Variants in SLC39A9 observed in about 807,000 individuals in gnomAD.
SLC39A9 encodes zinc transporter ZIP9.
Under a neutral mutation model 28.4 loss-of-function variants are expected in SLC39A9, and 14 were observed. That is an observed-to-expected ratio of 0.49 (90% CI 0.33 to 0.77). The LOEUF is 0.77. Ranked by LOEUF, SLC39A9 falls within the 30% of genes least tolerant of loss-of-function variation. The pLI is 0.02. For missense variants in SLC39A9, 283 were observed against 381.1 expected (o/e 0.74, Z 2.14); for synonymous variants, 119 against 149.6 (o/e 0.80, Z 1.49).
chr14:69,414,641 A>G (rs1018846114), intron 1 of SLC39A9, among the ~76,000 whole-genome samples: 1 of 152,248 alleles, frequency 6.6e-6, no homozygotes, highest in African/African-American at 2.4e-5. Context: ...TTTTATAAAT[A>G]GATAATTTTA....
chr14:69,447,614 A>AT, intron 3 of SLC39A9, among the ~76,000 whole-genome samples: 1 of 152,280 alleles, frequency 6.6e-6, no homozygotes, highest in Non-Finnish European at 1.5e-5. Flanking sequence ...GCTGAAGATA[A>AT]TTATGAACTA....
Position 69,399,321 on chromosome 14 carries a change from CA to C in SLC39A9, c.-48del. 1 of 1,539,904 alleles carries C rather than the reference CA, an allele frequency of 6.5e-7. No individual in the cohort carries two copies. Among genetic ancestry groups the C allele is most frequent in the Non-Finnish European group, 9.0e-7 (1 of 1,115,906 alleles). ...AAAGAACCTAAGCACCATTTAAAGCCACTGGAAATTTGTTGTCTAGTGGTTG... is the reference window on the plus strand; with the variant it reads ...AAAGAACCTAAGCACCATTTAAAGCCCTGGAAATTTGTTGTCTAGTGGTTG... On this transcript the variant is annotated 5_prime_UTR_variant, in exon 1 of 7. Transcript: ENST00000336643.
chr14:69,436,560 T>C (rs1884768360), intron 2 of SLC39A9, among the ~76,000 whole-genome samples: 1 of 152,192 alleles, frequency 6.6e-6, no homozygotes, highest in Admixed American at 6.5e-5. Context: ...TTTGTTTTTG[T>C]TTTTTGTTTT....
chr14:69,404,633 G>A (rs7152886), intron 1 of SLC39A9, among the ~76,000 whole-genome samples: 18,732 of 151,976 alleles, frequency 0.12, 1,379 homozygotes, highest in Middle Eastern at 0.24. Flanking sequence ...CCTCCCCTTC[G>A]CAGTCATGGA....
intron 1 of SLC39A9, among the ~76,000 whole-genome samples, chr14:69,412,586 T>G (rs2140257744): frequency 6.6e-6 from 1 of 152,260 alleles, no homozygotes; most frequent in Admixed American, 6.5e-5. Flanking sequence ...ATTGTTTGTA[T>G]CAGAGCCCAG....
intron 2 of SLC39A9, among the ~76,000 whole-genome samples, chr14:69,439,069 TAAAC>T (rs913447660): frequency 1.6e-4 from 25 of 152,148 alleles, no homozygotes; most frequent in African/African-American, 5.8e-4. Context: ...TTAGAACTAA[TAAAC>T]AAATGCAGTT....
At chr14:69,409,705 A>G (rs902653230) in intron 1 of SLC39A9, among the ~76,000 whole-genome samples, 1 of 152,192 alleles carries the variant, frequency 6.6e-6, no homozygotes, top group Admixed American at 6.5e-5. Context: ...ATATGCATTT[A>G]ATATGTTTTT....
chr14:69,431,675 T>G (rs1015926874), intron 2 of SLC39A9, among the ~76,000 whole-genome samples: 4 of 152,118 alleles, frequency 2.6e-5, no homozygotes, highest in African/African-American at 7.2e-5. Context: ...ACCCAGGCAC[T>G]GAGCATACCA....
chr14:69,398,407 C>CT (rs1053840380), upstream of SLC39A9: 6 of 790,870 alleles, frequency 7.6e-6, no homozygotes, highest in African/African-American at 8.7e-5. Context: ...GCAGCTAGAG[C>CT]AGCTACTGAC....
In SLC39A9 at chr14:69,442,256, T is replaced by C; in HGVS notation, c.393T>C (p.His131=). 6.2e-7 allele frequency: 1 copy of C among 1,614,174 alleles called. No homozygotes were observed. Among genetic ancestry groups the C allele is most frequent in the Non-Finnish European group, 8.5e-7 (1 of 1,180,016 alleles). The change falls in exon 3 of 7, where the codon CAT becomes CAC. Residue 131 remains histidine, a synonymous_variant. Transcript: ENST00000336643. The part of the protein sequence containing the change: ...LVDQIGNSHV[H]STDDPEAARS... ...ACCAGATTGGTAACTCCCATGTGCA[T>C]TCTACTGACGGTGAGTGGCTCCAAG... is the stretch of plus-strand genomic sequence containing the variant.
intron 1 of SLC39A9, among the ~76,000 whole-genome samples, chr14:69,405,919 A>G (rs1022058278): frequency 8.5e-5 from 13 of 152,236 alleles, no homozygotes; most frequent in Admixed American, 5.9e-4. Context: ...GACCAAGACT[A>G]TGAGATACTG....
chr14:69,423,995 C>A, intron 1 of SLC39A9, 99 bp from the exon 2 acceptor site: 2 of 756,838 alleles, frequency 2.6e-6, no homozygotes, highest in East Asian at 2.7e-5. Flanking sequence ...ATGTTGGTCT[C>A]ACAAATGAGC....
In SLC39A9 at chr14:69,442,085, A is replaced by G. The variant is rs115579952; in HGVS notation, c.222A>G (p.Ala74=). 844 of 1,614,132 alleles carry G rather than the reference A, an allele frequency of 5.2e-4. 2 individuals are homozygous for G. In the African/African-American group the frequency reaches 9.4e-3, roughly 18 times the overall value. Residue 74 remains alanine, a synonymous_variant, in exon 3 of 7, where the codon GCA becomes GCG. Transcript: ENST00000336643. ...CTGCTCTAGGAAAACACCACCAAGCAAGTGAAACACATAATGTGATTGCAT... is the reference window on the plus strand; with the variant it reads ...CTGCTCTAGGAAAACACCACCAAGCGAGTGAAACACATAATGTGATTGCAT... The part of the protein sequence containing the change: ...EDILEGKHHQ[A]SETHNVIASD...
intron 5 of SLC39A9, 151 bp from the exon 6 acceptor site, chr14:69,455,581 A>G (rs1885819251): frequency 1.9e-6 from 2 of 1,034,370 alleles, no homozygotes; most frequent in Non-Finnish European, 1.4e-6. Flanking sequence ...CGACCTCCCA[A>G]AGTGCTAGGA....
intron 2 of SLC39A9, among the ~76,000 whole-genome samples, chr14:69,425,553 T>A (rs1019556269): frequency 6.6e-6 from 1 of 152,190 alleles, no homozygotes; most frequent in Admixed American, 6.5e-5. Flanking sequence ...TCAGAAACAC[T>A]GGAGTAGAGG....
At chr14:69,406,836 T>C (rs1882937704) in intron 1 of SLC39A9, among the ~76,000 whole-genome samples, 1 of 147,762 alleles carries the variant, frequency 6.8e-6, no homozygotes, top group Admixed American at 6.8e-5. Flanking sequence ...TTAGTTAGAC[T>C]GGAAATTCTT....
At chr14:69,440,867 A>T (rs1177049628) in intron 2 of SLC39A9, among the ~76,000 whole-genome samples, 8 of 152,082 alleles carry the variant, frequency 5.3e-5, no homozygotes, top group South Asian at 2.1e-4. Flanking sequence ...AGAGACGGGG[A>T]TTCACCATGT....
intron 3 of SLC39A9, among the ~76,000 whole-genome samples, chr14:69,444,247 G>T (rs560881157): frequency 3.3e-5 from 5 of 151,978 alleles, no homozygotes; most frequent in Non-Finnish European, 7.4e-5. Context: ...AAATAAAAAC[G>T]CATTTTTTTC....
chr14:69,456,981 C>T (rs1246679606), intron 6 of SLC39A9, among the ~76,000 whole-genome samples: 1 of 152,148 alleles, frequency 6.6e-6, no homozygotes, highest in Non-Finnish European at 1.5e-5. Context: ...ATTACTCTAT[C>T]ACTTCAGTAA....
Sources: allele counts gnomAD v4.1 joint callset (sites outside exome capture counted in the v4.1 genomes callset), GRCh38; gene constraint gnomAD v4.1.1; transcripts MANE v1.5; gene names NCBI Gene and HGNC (gene_info 2026-07-23, HGNC 2026-07-21).